The following DYNLT5 variants were observed in gnomAD, a reference collection of about 807,000 sequenced individuals.
DYNLT5 encodes the protein dynein light chain Tctex-type 5.
A neutral mutation model predicts 19.3 loss-of-function variants in DYNLT5; 25 were observed. That is an observed-to-expected ratio of 1.30 (90% CI 0.95 to 1.81). The LOEUF (loss-of-function observed/expected upper bound fraction) is 1.81, where lower values mean the gene tolerates loss of function less well. Among genes scored for constraint, DYNLT5 ranks in the 40% most tolerant of loss-of-function variants. The probability of loss-of-function intolerance (pLI) is 0.00; values close to 1 mark genes in which losing one functional copy is unlikely to be tolerated. For missense variants in DYNLT5, 232 were observed against 217.9 expected (o/e 1.06, Z -0.41); for synonymous variants, 82 against 68.9 (o/e 1.19, Z -0.94).
chr1:66,770,750 T>TCA (rs1188566707), intron 3 of DYNLT5: 1 of 487,618 alleles, frequency 2.1e-6, no homozygotes, highest in Admixed American at 3.1e-5. Flanking sequence ...CTTAACAAAT[T>TCA]CACTGAGTAT....
In DYNLT5 at chr1:66,754,728, C is replaced by G. The variant is rs763749026; in HGVS notation, c.70C>G (p.Leu24Val). ...GAAGAAAAGAGGGAGTATTTCTTCT[C>G]TAAGTAATCATGAATTTTGGCGAAA... ...SWKKRGSISSLSNHEFWRKEI... is the reference protein window; with the variant it reads ...SWKKRGSISSVSNHEFWRKEI... Residue 24 changes from leucine to valine, a missense_variant, in exon 2 of 5, where the codon CTA becomes GTA. Leu to Val is a conservative substitution (Grantham distance 32). Coordinates refer to ENST00000282670, the MANE Select transcript of DYNLT5 (RefSeq NM_152665.3). 2.5e-6 allele frequency: 4 copies of G among 1,613,122 alleles called. No homozygotes were observed. Among genetic ancestry groups the G allele is most frequent in the Non-Finnish European group, 3.4e-6 (4 of 1,179,652 alleles).
chr1:66,775,243 G>A (rs2150869110), intron 3 of DYNLT5: 1 of 152,250 alleles, frequency 6.6e-6, no homozygotes, highest in Non-Finnish European at 1.5e-5. Flanking sequence ...TGTGATTCTG[G>A]GCAGGTTACT....
rs1407093298 is a variant in DYNLT5 at position 66,754,663 on chromosome 1, T to G, written c.5T>G (p.Met2Arg). The G allele has an allele frequency of 6.2e-7, 1 of 1,607,860 alleles. No individual in the cohort carries two copies. Among genetic ancestry groups the G allele is most frequent in the African/African-American group, 1.3e-5 (1 of 74,552 alleles). ...AAAAGTCTTCTTCCATAGGTTATGA[T>G]GATGTCAGACAATGCTAAAGGCAGA... MMMSDNAKGRAA... is the reference protein window; with the variant it reads MRMSDNAKGRAA... Residue 2 changes from methionine to arginine, a missense_variant, in exon 2 of 5, where the codon ATG becomes AGG. Transcript: ENST00000282670.
intron 1 of DYNLT5, among the ~76,000 whole-genome samples, chr1:66,753,395 G>A (rs963075166): frequency 1.3e-5 from 2 of 152,176 alleles, no homozygotes; most frequent in African/African-American, 2.4e-5. Context: ...GGTAGACAAT[G>A]AGGGCATTAT....
chr1:66,765,095 A>C (rs1006877172), intron 2 of DYNLT5, among the ~76,000 whole-genome samples: 2 of 152,200 alleles, frequency 1.3e-5, no homozygotes, highest in Non-Finnish European at 2.9e-5. Flanking sequence ...ACATTTGTTG[A>C]AAGAATGAAG....
chr1:66,776,478 T>C (rs1645235780), intron 4 of DYNLT5, 75 bp downstream of exon 4: 2 of 1,497,380 alleles, frequency 1.3e-6, no homozygotes, highest in African/African-American at 1.4e-5. Flanking sequence ...CTCTACTTTT[T>C]TGATGAGGGG....
chr1:66,755,710 G>A (rs2094634980), intron 2 of DYNLT5: 1 of 152,158 alleles, frequency 6.6e-6, no homozygotes, highest in African/African-American at 2.4e-5. Context: ...CACATACAAT[G>A]CCTTTTACAG....
chr1:66,766,913 C>T (rs1373179338), intron 2 of DYNLT5, among the ~76,000 whole-genome samples: 1 of 152,138 alleles, frequency 6.6e-6, no homozygotes, highest in Non-Finnish European at 1.5e-5. Context: ...CATGTCCTCA[C>T]TTATCAGTGG....
Position 66,777,357 on chromosome 1 carries a change from GC to G in DYNLT5, c.445del (p.Leu149SerfsTer33), listed in dbSNP as rs754679274. ...CAGAGCATACTTATTGGAAGCAGATGCCTCTGGGATCCTAAAAGTGATACCT... is the reference window on the plus strand; with the variant it reads ...CAGAGCATACTTATTGGAAGCAGATGCTCTGGGATCCTAAAAGTGATACCT... ...NRQSILIGSR[C>X]LWDPKSDTFS... On this transcript the variant is annotated frameshift_variant, in exon 5 of 5. Transcript: ENST00000282670. LOFTEE classifies it high-confidence loss of function. 4.3e-6 allele frequency: 7 copies of G among 1,613,832 alleles called. No individual in the cohort carries two copies. Among genetic ancestry groups the G allele is most frequent in the African/African-American group, 4.0e-5 (3 of 74,898 alleles).
Position 66,754,772 on chromosome 1 carries a change from C to T in DYNLT5, c.114C>T (p.Ile38=). The T allele has an allele frequency of 6.2e-7, 1 of 1,610,674 alleles. No homozygotes were observed. The highest frequency in any genetic ancestry group is 8.5e-7 in the Non-Finnish European group (1 of 1,178,980). ...EFWRKEIHGR[I]KDSMSTVSYM... ...GGCGAAAGGAAATTCATGGGCGCATCAAAGAGTGAGTAACTGTCTAAAATT... is the reference window on the plus strand; with the variant it reads ...GGCGAAAGGAAATTCATGGGCGCATTAAAGAGTGAGTAACTGTCTAAAATT... Residue 38 remains isoleucine (I), a synonymous_variant, in exon 2 of 5, where the codon ATC becomes ATT. Coordinates refer to ENST00000282670, the MANE Select transcript of DYNLT5 (RefSeq NM_152665.3).
At chr1:66,773,496 C>T (rs532254502) in intron 3 of DYNLT5, among the ~76,000 whole-genome samples, 3 of 152,280 alleles carry the variant, frequency 2.0e-5, no homozygotes, top group South Asian at 2.1e-4. Flanking sequence ...ATCTTGCTGC[C>T]TTCTCAGCAA....
In DYNLT5 at chr1:66,777,530, G is replaced by A; in HGVS notation, c.*76G>A. The A allele has an allele frequency of 7.7e-7, 1 of 1,303,282 alleles. No homozygotes were observed. Among genetic ancestry groups the A allele is most frequent in the Non-Finnish European group, 1.0e-6 (1 of 952,566 alleles). 80.7% of individuals were successfully genotyped at this position (1,303,282 alleles called of 1,614,324 possible). On this transcript the variant is annotated 3_prime_UTR_variant, in exon 5 of 5. Transcript: ENST00000282670. Reference sequence around the variant, plus strand: ...TATGTCTGTACACAAAAGTTTTACTGCCAAAAACTTTGAGAAAGAAACAAC... The same window carrying A: ...TATGTCTGTACACAAAAGTTTTACTACCAAAAACTTTGAGAAAGAAACAAC...
chr1:66,759,462 A>G (rs1396875763), intron 2 of DYNLT5, among the ~76,000 whole-genome samples: 1 of 152,208 alleles, frequency 6.6e-6, no homozygotes, highest in Non-Finnish European at 1.5e-5. Flanking sequence ...CTTCTGCTCA[A>G]CAAAGGATAC....
chr1:66,761,321 A>T (rs2094645613), intron 2 of DYNLT5, among the ~76,000 whole-genome samples: 1 of 152,376 alleles, frequency 6.6e-6, no homozygotes, highest in East Asian at 1.9e-4. Context: ...GAAAAAATGT[A>T]CATACCTTAG....
intron 3 of DYNLT5, among the ~76,000 whole-genome samples, chr1:66,772,141 T>A (rs1395083582): frequency 6.6e-6 from 1 of 152,202 alleles, no homozygotes; most frequent in African/African-American, 2.4e-5. Context: ...ATTAGTCCGT[T>A]TTTGCATTGC....
At chr1:66,753,516 C>T (rs2094630798) in intron 1 of DYNLT5, among the ~76,000 whole-genome samples, 1 of 152,108 alleles carries the variant, frequency 6.6e-6, no homozygotes, top group Non-Finnish European at 1.5e-5. Flanking sequence ...AAGTTAAGTC[C>T]TATTTGCTCT....
At chr1:66,768,202 A>G (rs1293220491) in intron 2 of DYNLT5, among the ~76,000 whole-genome samples, 1 of 152,220 alleles carries the variant, frequency 6.6e-6, no homozygotes, top group East Asian at 1.9e-4. Flanking sequence ...ATTTATTGAC[A>G]TGGAAAGTTA....
chr1:66,754,858 T>A (rs779009610), intron 2 of DYNLT5, 81 bp downstream of exon 2: 51 of 1,410,470 alleles, frequency 3.6e-5, no homozygotes, highest in Non-Finnish European at 4.5e-5. Flanking sequence ...AAACACTTCC[T>A]CGGGGACATA....
chr1:66,770,557 C>T (rs768641749), intron 3 of DYNLT5, 79 bp downstream of exon 3: 2 of 1,060,364 alleles, frequency 1.9e-6, no homozygotes, highest in Non-Finnish European at 2.9e-6. Flanking sequence ...ATTTGATAAC[C>T]TGGCATTGTC....
Sources: allele counts gnomAD v4.1 joint callset (sites outside exome capture counted in the v4.1 genomes callset), GRCh38; gene constraint gnomAD v4.1.1; transcripts MANE v1.5; gene names NCBI Gene and HGNC (gene_info 2026-07-23, HGNC 2026-07-21).